AKAP9: variants seen among roughly 807,000 people sequenced by gnomAD.
AKAP9 encodes the protein A-kinase anchor protein 9.
In AKAP9, 311 loss-of-function variants were observed where a neutral mutation model predicts 488.5. The observed-to-expected ratio is 0.64, with a 90% CI of 0.58 to 0.70. The LOEUF is 0.70. AKAP9 is among the 30% of genes least tolerant of loss of function. The pLI is 0.00. For synonymous variants in AKAP9, 1,462 were observed against 1,483.5 expected (o/e 0.99, Z 0.33); for missense variants, 4,215 against 4,374.5 (o/e 0.96, Z 1.03).
intron 33 of AKAP9, among the ~76,000 whole-genome samples, chr7:92,084,282 A>C (rs1007239612): frequency 1.3e-5 from 2 of 152,250 alleles, no homozygotes; most frequent in East Asian, 3.8e-4. Context: ...AAATAAAAAA[A>C]CGGGGGCAGT....
At chr7:92,047,693 A>G (rs1428732848) in intron 21 of AKAP9, among the ~76,000 whole-genome samples, 2 of 152,380 alleles carry the variant, frequency 1.3e-5, no homozygotes, top group East Asian at 1.9e-4. Context: ...ACCACTACGT[A>G]TATTTGAATC....
In AKAP9 at chr7:92,079,882, A is replaced by G; in HGVS notation, c.7749A>G (p.Arg2583=). Residue 2583 remains arginine (R), a synonymous_variant, in exon 31 of 50, where the codon AGA becomes AGG. Transcript: ENST00000356239. ...AAACAATTTCATCAGAACCTGAAAGAACAAATATTCAGAATTTAAATCAAC... is the reference window on the plus strand; with the variant it reads ...AAACAATTTCATCAGAACCTGAAAGGACAAATATTCAGAATTTAAATCAAC... The part of the protein sequence containing the change: ...DNQTISSEPE[R]TNIQNLNQLR... The G allele has an allele frequency of 6.2e-7, 1 of 1,614,140 alleles. No homozygotes were observed.
intron 15 of AKAP9, among the ~76,000 whole-genome samples, chr7:92,030,425 G>GAGGT (rs1563013531): frequency 6.6e-6 from 1 of 152,000 alleles, no homozygotes; most frequent in Non-Finnish European, 1.5e-5. Context: ...TGTGGATCAC[G>GAGGT]AGGTCAGGAG....
rs755377393 is a variant in AKAP9, at chr7:92,071,017, G to T, written c.6612+8G>T. ...GACAGAAAGGAAAAAGAGGTAAGGA[G>T]TTTATTTTTAAATGACACAGCGTGG... On this transcript the variant is annotated splice_region_variant and intron_variant, in intron 28 of 49. Transcript: ENST00000356239. 48 of 1,591,246 alleles carry T rather than the reference G, an allele frequency of 3.0e-5. No individual in the cohort carries two copies. Among genetic ancestry groups the T allele is most frequent in the Middle Eastern group, 1.7e-4 (1 of 6,030 alleles).
At chr7:92,067,428 C>T (rs1380825555) in intron 26 of AKAP9, among the ~76,000 whole-genome samples, 1 of 148,868 alleles carries the variant, frequency 6.7e-6, no homozygotes, top group Non-Finnish European at 1.5e-5. Flanking sequence ...TGCCCCATTG[C>T]TGAGAACTAG....
intron 23 of AKAP9, among the ~76,000 whole-genome samples, chr7:92,061,973 T>C (rs183495133): frequency 2.0e-5 from 3 of 152,310 alleles, no homozygotes; most frequent in African/African-American, 7.2e-5. Context: ...TTACTGTTTA[T>C]ATCTGTTTAA....
intron 21 of AKAP9, among the ~76,000 whole-genome samples, chr7:92,050,377 G>T (rs1807773802): frequency 6.6e-6 from 1 of 152,060 alleles, no homozygotes; most frequent in Admixed American, 6.5e-5. Context: ...TTACAGGCAT[G>T]AGCCACCGTG....
chr7:92,030,640 CAAA>C (rs60461811), intron 15 of AKAP9, among the ~76,000 whole-genome samples: 3 of 49,160 alleles, frequency 6.1e-5, no homozygotes, highest in Non-Finnish European at 1.1e-4. Flanking sequence ...AGACTGTCGC[CAAA>C]AAAAAAAAAA....
At chr7:92,063,871 C>T (rs1428946504) in intron 24 of AKAP9, among the ~76,000 whole-genome samples, 1 of 152,096 alleles carries the variant, frequency 6.6e-6, no homozygotes, top group Non-Finnish European at 1.5e-5. Context: ...ACCTCCGCCT[C>T]CTGGGTTCAA....
At chr7:91,943,056 ATGG>A (rs1791001100) in intron 1 of AKAP9, among the ~76,000 whole-genome samples, 1 of 151,936 alleles carries the variant, frequency 6.6e-6, no homozygotes, top group Non-Finnish European at 1.5e-5. Context: ...ATAGCAGGGC[ATGG>A]TGGTGTGCGC....
rs1813782013 is a variant in AKAP9, at chr7:92,082,626, T to C, written c.8124T>C (p.Tyr2708=). 16 of 1,614,048 alleles carry C rather than the reference T, an allele frequency of 9.9e-6. No individual in the cohort carries two copies. The highest frequency in any genetic ancestry group is 2.2e-5 in the South Asian group (2 of 91,088). Residue 2708 remains tyrosine, a synonymous_variant, in exon 32 of 50, where the codon TAT becomes TAC. Coordinates refer to ENST00000356239, the MANE Select transcript of AKAP9 (RefSeq NM_005751.5). ...CTACCAAAGCAGAACTTGCCAGTTA[T>C]AAAGAAAAGGCTGAAAAACTTCAAG... ...SVATKAELAS[Y]KEKAEKLQEE...
intron 39 of AKAP9, among the ~76,000 whole-genome samples, chr7:92,094,789 C>A (rs538560838): frequency 6.7e-4 from 102 of 152,278 alleles, no homozygotes; most frequent in Middle Eastern, 3.4e-3. Flanking sequence ...GCCGAGATGG[C>A]GCTACTGCAC....
At chr7:91,955,791 G>A (rs1205291477) in intron 1 of AKAP9, among the ~76,000 whole-genome samples, 3 of 152,046 alleles carry the variant, frequency 2.0e-5, no homozygotes, top group African/African-American at 7.2e-5. Context: ...CTGCCACCAT[G>A]CCCGGCTAAT....
intron 46 of AKAP9, 32 bp from the exon 47 acceptor site, chr7:92,105,646 G>C: frequency 2.0e-6 from 3 of 1,481,520 alleles, no homozygotes; most frequent in Non-Finnish European, 2.8e-6. Flanking sequence ...TTATAGATGG[G>C]CTGTGAAATT....
chr7:92,044,666 T>C (rs1806669842), intron 20 of AKAP9, among the ~76,000 whole-genome samples: 1 of 152,204 alleles, frequency 6.6e-6, no homozygotes, highest in South Asian at 2.1e-4. Flanking sequence ...CCATACTTTT[T>C]AAAACTTAAA....
Position 92,001,236 on chromosome 7 carries a change from T to G in AKAP9, c.1319T>G (p.Met440Arg). 1 of 1,613,838 alleles carries G rather than the reference T, an allele frequency of 6.2e-7. No homozygotes were observed. Among genetic ancestry groups the G allele is most frequent in the Non-Finnish European group, 8.5e-7 (1 of 1,179,934 alleles). Residue 440 changes from methionine (M) to arginine (R), a missense_variant, in exon 8 of 50, where the codon ATG (methionine) becomes AGG (arginine). Physicochemically the swap from Met to Arg is moderately conservative, Grantham distance 91 (BLOSUM62 -1). Coordinates refer to ENST00000356239, the MANE Select transcript of AKAP9 (RefSeq NM_005751.5). ...LEQLRAELDE[M>R]YGQQIVQMKQ... ...CAACTCCGGGCAGAGCTGGATGAGA[T>G]GTATGGGCAGCAGATAGTGCAAATG...
chr7:92,106,054 A>T (rs1818465824), intron 47 of AKAP9, among the ~76,000 whole-genome samples: 1 of 152,258 alleles, frequency 6.6e-6, no homozygotes, highest in African/African-American at 2.4e-5. Flanking sequence ...GAACAGTTTC[A>T]TCCAGAAACC....
Position 92,097,594 on chromosome 7 carries a change from G to T in AKAP9, c.10407G>T (p.Thr3469=). The change falls in exon 42 of 50, where the codon ACG becomes ACT. Residue 3469 remains threonine (T), a synonymous_variant. Coordinates refer to ENST00000356239, the MANE Select transcript of AKAP9 (RefSeq NM_005751.5). The part of the protein sequence containing the change: ...ILYQNLNEPT[T]WSLTSDRTRN... ...CTGTCCAAAATTGCCAGCCAACCACGTGGAGCTTAACCAGTGATAGAACTA... is the reference window on the plus strand; with the variant it reads ...CTGTCCAAAATTGCCAGCCAACCACTTGGAGCTTAACCAGTGATAGAACTA... The T allele has an allele frequency of 6.2e-7, 1 of 1,613,328 alleles. No homozygotes were observed. The highest frequency in any genetic ancestry group is 8.5e-7 in the Non-Finnish European group (1 of 1,179,992).
chr7:91,989,725 C>G (rs1797536198), intron 3 of AKAP9, among the ~76,000 whole-genome samples: 1 of 151,944 alleles, frequency 6.6e-6, no homozygotes. Context: ...GCACATTGAA[C>G]TCTTATAATT....
Sources: gnomAD v4.1 joint callset for allele counts (sites outside exome capture counted in the v4.1 genomes callset) on GRCh38, gnomAD v4.1.1 for gene constraint, MANE v1.5 for transcripts, NCBI Gene and HGNC (gene_info 2026-07-23, HGNC 2026-07-21) for gene names.